ATP8A2: variants seen among roughly 807,000 people sequenced by gnomAD.
The protein encoded by ATP8A2 is ATPase phospholipid transporting 8A2, also known as phospholipid-transporting ATPase IB.
Under a neutral mutation model 165.6 loss-of-function variants are expected in ATP8A2, and 100 were observed. The observed-to-expected ratio is 0.60, with a 90% CI of 0.51 to 0.71. ATP8A2 has a LOEUF of 0.71. ATP8A2 is among the 30% of genes least tolerant of loss of function. The probability of loss-of-function intolerance (pLI) is 0.00; values close to 1 mark genes in which losing one functional copy is unlikely to be tolerated. For missense variants in ATP8A2, 1,227 were observed against 1,479.5 expected (o/e 0.83, Z 2.80); for synonymous variants, 543 against 548.8 (o/e 0.99, Z 0.15).
chr13:26,001,942 G>A (rs1268551166), intron 35 of ATP8A2, among the ~76,000 whole-genome samples: 2 of 152,148 alleles, frequency 1.3e-5, no homozygotes, highest in Admixed American at 6.5e-5. Flanking sequence ...AGGTCATAAA[G>A]ATTTGCCCCT....
chr13:25,645,699 T>A (rs1371950104), intron 24 of ATP8A2, among the ~76,000 whole-genome samples: 1 of 152,204 alleles, frequency 6.6e-6, no homozygotes, highest in Admixed American at 6.6e-5. Context: ...GATGTTTAAT[T>A]TTTATGTATT....
intron 33 of ATP8A2, among the ~76,000 whole-genome samples, chr13:25,889,438 C>G (rs1481907914): frequency 6.6e-6 from 1 of 151,916 alleles, no homozygotes; most frequent in Non-Finnish European, 1.5e-5. Context: ...TTTCACTGTT[C>G]TTAAGAAAAA....
chr13:25,962,213 G>A (rs1283266751), intron 34 of ATP8A2, among the ~76,000 whole-genome samples: 1 of 152,198 alleles, frequency 6.6e-6, no homozygotes, highest in East Asian at 1.9e-4. Flanking sequence ...GTGCTAAGTG[G>A]TCACGGATAT....
chr13:26,012,068 AC>A (rs1956859290), intron 35 of ATP8A2, among the ~76,000 whole-genome samples: 1 of 151,740 alleles, frequency 6.6e-6, no homozygotes, highest in Admixed American at 6.6e-5. Flanking sequence ...TTAGAAGAAA[AC>A]TCGCCTTGAT....
intron 1 of ATP8A2, among the ~76,000 whole-genome samples, chr13:25,456,178 T>C (rs2035359226): frequency 6.6e-6 from 1 of 152,242 alleles, no homozygotes; most frequent in Non-Finnish European, 1.5e-5. Context: ...TTGCTGACTT[T>C]ACAGTAAAAG....
At chr13:25,680,308 G>A (rs748499357) in intron 24 of ATP8A2, among the ~76,000 whole-genome samples, 1 of 152,170 alleles carries the variant, frequency 6.6e-6, no homozygotes, top group African/African-American at 2.4e-5. Context: ...ATCACCATGC[G>A]ATGATGGAGG....
At chr13:25,729,165 A>G (rs1421967929) in intron 25 of ATP8A2, among the ~76,000 whole-genome samples, 1 of 151,738 alleles carries the variant, frequency 6.6e-6, no homozygotes, top group Non-Finnish European at 1.5e-5. Flanking sequence ...TTACATGGCT[A>G]TGACCTTGAA....
At chr13:25,640,513 A>T (rs2041490642) in intron 24 of ATP8A2, among the ~76,000 whole-genome samples, 1 of 152,228 alleles carries the variant, frequency 6.6e-6, no homozygotes, top group Non-Finnish European at 1.5e-5. Flanking sequence ...GAAGAAATGG[A>T]TAAATTCCTC....
At chr13:25,543,155 G>A in intron 9 of ATP8A2, 136 bp from the exon 10 acceptor site, 3 of 547,374 alleles carry the variant, frequency 5.5e-6, no homozygotes, top group South Asian at 6.4e-5. Flanking sequence ...AACCTTTGTT[G>A]TCTGTGTTTC....
At chr13:25,698,618 G>A (rs1200400794) in intron 24 of ATP8A2, among the ~76,000 whole-genome samples, 1 of 152,022 alleles carries the variant, frequency 6.6e-6, no homozygotes. Flanking sequence ...TTTAAGGCTG[G>A]TAGTAGTGTT....
At chr13:25,860,888 G>C (rs1217909531) in intron 32 of ATP8A2, 28 bp downstream of exon 32, 3 of 1,477,074 alleles carry the variant, frequency 2.0e-6, no homozygotes, top group Admixed American at 3.7e-5. Context: ...TTGTTTCTCT[G>C]TTCAGTATAG....
At chr13:25,484,539 C>G (rs1416422083) in intron 2 of ATP8A2, among the ~76,000 whole-genome samples, 1 of 151,824 alleles carries the variant, frequency 6.6e-6, no homozygotes, top group Admixed American at 6.6e-5. Context: ...TTTTTTGAGA[C>G]AGAGTCTCGC....
intron 2 of ATP8A2, among the ~76,000 whole-genome samples, chr13:25,478,657 T>C (rs754190203): frequency 5.9e-5 from 9 of 152,228 alleles, no homozygotes; most frequent in Non-Finnish European, 1.3e-4. Context: ...TTTGGGATGA[T>C]GTTAGTCACT....
chr13:25,960,697 C>A (rs983311270), intron 33 of ATP8A2, among the ~76,000 whole-genome samples: 27 of 152,068 alleles, frequency 1.8e-4, no homozygotes, highest in Non-Finnish European at 3.4e-4. Flanking sequence ...CATCTCTGTT[C>A]AGAGTAAACT....
intron 13 of ATP8A2, 60 bp from the exon 14 acceptor site, chr13:25,558,913 T>G: frequency 8.4e-7 from 1 of 1,194,114 alleles, no homozygotes; most frequent in Non-Finnish European, 1.2e-6. Flanking sequence ...AAAGACTTCA[T>G]TTGTTGATCT....
intron 6 of ATP8A2, among the ~76,000 whole-genome samples, 200 bp from the exon 7 acceptor site, chr13:25,537,788 A>C (rs1198163297): frequency 6.6e-6 from 1 of 152,218 alleles, no homozygotes; most frequent in African/African-American, 2.4e-5. Flanking sequence ...TCATTGCAAA[A>C]AAAGGCAACA....
rs534290288 is a variant in ATP8A2 at position 25,372,261 on chromosome 13, C to G, written c.49C>G (p.Arg17Gly). The change falls in exon 1 of 37, where the codon CGG becomes GGG. Residue 17 changes from arginine (R) to glycine (G), a missense_variant. Arg to Gly is a moderately radical substitution (Grantham distance 125, BLOSUM62 -2). Coordinates refer to ENST00000381655, the MANE Select transcript of ATP8A2 (RefSeq NM_016529.6). The surrounding 1 kb of genome is among the most constrained non-coding windows in gnomAD (Gnocchi z 4.8). ...CAAAGCTCTTAAGATGTCCCTGCCG[C>G]GGAGGTCGAGGATCCGCTCGTCCGT... ...LDKALKMSLPRRSRIRSSVGP... is the reference protein window; with the variant it reads ...LDKALKMSLPGRSRIRSSVGP... 1.4e-6 allele frequency: 2 copies of G among 1,439,370 alleles called. No individual in the cohort carries two copies. Among genetic ancestry groups the G allele is most frequent in the East Asian group, 3.5e-5 (1 of 28,850 alleles). The allele number at this position is 1,439,370 out of a possible 1,614,324, so 89.2% of individuals were successfully genotyped here.
At position 25,377,296 on chromosome 13, in the gene ATP8A2, G is replaced by C. The variant is rs538585220; in HGVS notation, c.76+5008G>C. Among the ~76,000 whole-genome samples, 55 of 152,310 alleles carry C rather than the reference G, an allele frequency of 3.6e-4. 1 individual carries two copies. The highest frequency in any genetic ancestry group is 6.8e-4 in the Non-Finnish European group (46 of 68,032). On this transcript the variant is annotated intron_variant, in intron 1 of 36. Coordinates refer to ENST00000381655, the MANE Select transcript of ATP8A2 (RefSeq NM_016529.6). ...CCACTTAGGCTGGGAAAAGTGCTCA[G>C]CACAAATGTTAACAACCATTAAGAA...
At chr13:25,511,685 A>G (rs1311674594) in intron 2 of ATP8A2, among the ~76,000 whole-genome samples, 3 of 152,116 alleles carry the variant, frequency 2.0e-5, no homozygotes, top group African/African-American at 7.2e-5. Flanking sequence ...TCTTATAAAT[A>G]GGCTCTTTTT....
Sources: allele counts gnomAD v4.1 joint callset (sites outside exome capture counted in the v4.1 genomes callset), GRCh38; gene constraint gnomAD v4.1.1; non-coding constraint Gnocchi (gnomAD v3.1); transcripts MANE v1.5; gene names NCBI Gene and HGNC (gene_info 2026-07-23, HGNC 2026-07-21).